RIMS2: variants seen among roughly 807,000 people sequenced by gnomAD.
RIMS2 encodes regulating synaptic membrane exocytosis 2.
In RIMS2, 59 loss-of-function variants were observed where a neutral mutation model predicts 174.4. That is an observed-to-expected ratio of 0.34 (90% confidence interval 0.27 to 0.42). The LOEUF is 0.42. Ranked by LOEUF, RIMS2 falls within the 10% of genes least tolerant of loss-of-function variation. RIMS2 has a pLI of 1.00. For missense variants in RIMS2, 1,620 were observed against 1,666.3 expected (o/e 0.97, Z 0.48); for synonymous variants, 606 against 572.5 (o/e 1.06, Z -0.84).
intron 19 of RIMS2, among the ~76,000 whole-genome samples, chr8:104,132,808 T>G (rs1253477048): frequency 6.6e-6 from 1 of 152,204 alleles, no homozygotes; most frequent in Non-Finnish European, 1.5e-5. Context: ...TTTTTTCACG[T>G]GGCATGTAGT....
chr8:103,714,315 C>A (rs939481017), intron 2 of RIMS2, among the ~76,000 whole-genome samples: 2 of 152,062 alleles, frequency 1.3e-5, no homozygotes, highest in African/African-American at 4.8e-5. Flanking sequence ...TGGAAGATAA[C>A]AATCTAAACT....
At chr8:103,635,162 G>C (rs180753048) in intron 1 of RIMS2, among the ~76,000 whole-genome samples, 18,855 of 152,236 alleles carry the variant, frequency 0.12, 1,250 homozygotes, top group Middle Eastern at 0.22. Flanking sequence ...TACAGTAACA[G>C]TGGTCTTTGT....
intron 1 of RIMS2, among the ~76,000 whole-genome samples, chr8:103,613,385 C>T (rs774733949): frequency 9.2e-5 from 14 of 152,162 alleles, no homozygotes; most frequent in East Asian, 5.8e-4. Flanking sequence ...GTTCACTTAA[C>T]GCCCAAGGGC....
chr8:104,014,739 G>A (rs1431659598), intron 19 of RIMS2, 124 bp downstream of exon 21: 2 of 495,138 alleles, frequency 4.0e-6, no homozygotes, highest in African/African-American at 3.8e-5. Context: ...GTCTGTATTT[G>A]ATAATAGTTA....
chr8:104,145,552 G>T (rs1030632913), intron 19 of RIMS2, among the ~76,000 whole-genome samples: 1 of 151,658 alleles, frequency 6.6e-6, no homozygotes, highest in Non-Finnish European at 1.5e-5. Flanking sequence ...GTGGCTGAGC[G>T]TGGTGGCTCA....
At chr8:104,041,218 A>G (rs2096602873) in intron 19 of RIMS2, 108 bp from the exon 22 acceptor site, 1 of 493,498 alleles carries the variant, frequency 2.0e-6, no homozygotes, top group South Asian at 3.4e-5. Context: ...ATTCTTTCTC[A>G]AAATGATCTG....
chr8:103,503,538 G>T (rs1821674006), intron 1 of RIMS2, among the ~76,000 whole-genome samples: 1 of 151,886 alleles, frequency 6.6e-6, no homozygotes, highest in South Asian at 2.1e-4. Context: ...TTTCTTTTTA[G>T]TGCTGTTCAT....
At chr8:104,019,343 T>C (rs1168129611) in intron 19 of RIMS2, among the ~76,000 whole-genome samples, 4 of 152,220 alleles carry the variant, frequency 2.6e-5, no homozygotes, top group African/African-American at 9.6e-5. Flanking sequence ...CTTTGAATAA[T>C]ACAGAATACC....
intron 19 of RIMS2, among the ~76,000 whole-genome samples, chr8:104,022,119 T>C (rs1298159613): frequency 6.6e-6 from 1 of 152,182 alleles, no homozygotes; most frequent in Non-Finnish European, 1.5e-5. Context: ...CAGAAGTAAC[T>C]GGAGAAGTTA....
intron 1 of RIMS2, among the ~76,000 whole-genome samples, chr8:103,615,514 G>T (rs1037317875): frequency 6.6e-6 from 1 of 151,282 alleles, no homozygotes; most frequent in Admixed American, 6.6e-5. Flanking sequence ...CAGAAGATGA[G>T]AAATAACAAA....
At chr8:103,516,480 T>C (rs1233028228) in intron 1 of RIMS2, among the ~76,000 whole-genome samples, 1 of 152,094 alleles carries the variant, frequency 6.6e-6, no homozygotes, top group Admixed American at 6.6e-5. Context: ...ACTATGAAAT[T>C]CTGTCACGAA....
intron 1 of RIMS2, among the ~76,000 whole-genome samples, chr8:103,563,398 G>A (rs1322756441): frequency 1.3e-5 from 2 of 152,136 alleles, no homozygotes; most frequent in African/African-American, 4.8e-5. Flanking sequence ...TCTAGGGCAG[G>A]GGTAAAATGC....
At chr8:103,728,623 G>A (rs2097551660) in intron 2 of RIMS2, among the ~76,000 whole-genome samples, 1 of 151,442 alleles carries the variant, frequency 6.6e-6, no homozygotes, top group South Asian at 2.1e-4. Flanking sequence ...TTTTTTTGGG[G>A]GATGTACCCT....
chr8:104,202,312 C>G (rs963797731), intron 19 of RIMS2, among the ~76,000 whole-genome samples: 2 of 152,046 alleles, frequency 1.3e-5, no homozygotes, highest in Non-Finnish European at 2.9e-5. Flanking sequence ...TACAAAGAGA[C>G]GTGGTATATT....
At chr8:103,846,785 A>G (rs748449328) in intron 3 of RIMS2, among the ~76,000 whole-genome samples, 4 of 152,142 alleles carry the variant, frequency 2.6e-5, no homozygotes, top group Non-Finnish European at 5.9e-5. Flanking sequence ...TCTTGTGACC[A>G]TAACTGATAC....
At position 104,089,990 on chromosome 8, in the gene RIMS2, C is replaced by T. The variant is rs142567362; in HGVS notation, c.3334+75375C>T. ...AAAGATGAGGAAGATACTGTGCTGG[C>T]CTTCAGGAGTTTGTAGTCTAATGGG... is the stretch of plus-strand genomic sequence containing the variant. On this transcript the variant is annotated intron_variant, in intron 19 of 23. Transcript: ENST00000504942. 3.6e-3 allele frequency among the ~76,000 whole-genome samples: 541 copies of T among 151,464 alleles called. 4 individuals are homozygous for T. Among genetic ancestry groups the T allele is most frequent in the Non-Finnish European group, 5.8e-3 (394 of 67,680 alleles).
chr8:103,604,181 T>G (rs904316861), intron 1 of RIMS2, among the ~76,000 whole-genome samples: 26 of 150,848 alleles, frequency 1.7e-4, no homozygotes, highest in African/African-American at 5.6e-4. Context: ...TTGTATAAGG[T>G]GTAAGGAAGG....
In RIMS2 at chr8:103,773,292, GAT is replaced by G. The variant is rs1364947508; in HGVS notation, c.698+6761_698+6762del. 6.6e-5 allele frequency among the ~76,000 whole-genome samples: 10 copies of G among 152,202 alleles called. No individual in the cohort carries two copies. In the East Asian group the frequency reaches 1.9e-3, roughly 29 times the overall value. On this transcript the variant is annotated intron_variant, in intron 3 of 23. Transcript: ENST00000504942. ...GCTTAAAATGCATATTGCTTAAAAA[GAT>G]ATATAAAGCACTCTTAAAATTCATT...
chr8:103,745,298 AT>A (rs2097798002), intron 2 of RIMS2, among the ~76,000 whole-genome samples: 4 of 152,138 alleles, frequency 2.6e-5, no homozygotes, highest in African/African-American at 4.8e-5. Flanking sequence ...GCAAGAATTA[AT>A]ATTTTGTTTC....
Sources: allele counts gnomAD v4.1 joint callset (sites outside exome capture counted in the v4.1 genomes callset), GRCh38; gene constraint gnomAD v4.1.1; transcripts MANE v1.5; gene names NCBI Gene and HGNC (gene_info 2026-07-23, HGNC 2026-07-21).